Variants in PTPRC observed in about 807,000 individuals in gnomAD.
PTPRC encodes the protein protein tyrosine phosphatase receptor type C.
A neutral mutation model predicts 155.9 loss-of-function variants in PTPRC; 44 were observed. The ratio of observed to expected loss-of-function variants is 0.28; its 90% CI spans 0.22 to 0.36. The LOEUF (loss-of-function observed/expected upper bound fraction) is 0.36. Among genes scored for constraint, PTPRC ranks in the 10% least tolerant of loss-of-function variants. PTPRC has a pLI of 1.00. For missense variants in PTPRC, 1,401 were observed against 1,564.6 expected, an observed-to-expected ratio of 0.90 and a Z score of 1.76; for synonymous variants, 525 against 533.1, an observed-to-expected ratio of 0.98 and a Z score of 0.21.
chr1:198,734,045 A>G, intron 20 of PTPRC, 151 bp from the exon 21 acceptor site: 1 of 720,090 alleles, frequency 1.4e-6, no homozygotes, highest in Non-Finnish European at 2.4e-6. Context: ...CCACCAATTA[A>G]TAAGATTCCC....
intron 2 of PTPRC, among the ~76,000 whole-genome samples, chr1:198,690,431 A>T (rs1487296552): frequency 6.6e-6 from 1 of 152,094 alleles, no homozygotes; most frequent in Non-Finnish European, 1.5e-5. Flanking sequence ...AGATAAGAAA[A>T]GGGACAAAAG....
rs181300410 is a variant in PTPRC at position 198,643,779 on chromosome 1, C to T, written c.73+4438C>T. Among the ~76,000 whole-genome samples, 59 of 151,958 alleles carry T rather than the reference C, an allele frequency of 3.9e-4. 1 individual carries two copies. The highest frequency in any genetic ancestry group is 1.3e-3 in the African/African-American group (54 of 41,450). ...GAATGGGAGGGAAATACAAATGTAG[C>T]GGAGTGATAACACAAACAGATCAGG... On this transcript the variant is annotated intron_variant, in intron 2 of 32. Coordinates refer to ENST00000442510, the MANE Select transcript of PTPRC (RefSeq NM_002838.5).
intron 2 of PTPRC, among the ~76,000 whole-genome samples, chr1:198,647,308 A>C (rs1306089528): frequency 1.3e-5 from 2 of 151,864 alleles, no homozygotes; most frequent in Non-Finnish European, 2.9e-5. Context: ...CATGTAGGCT[A>C]TCACTGGGTC....
At chr1:198,661,805 A>G (rs1663984147) in intron 2 of PTPRC, among the ~76,000 whole-genome samples, 1 of 152,158 alleles carries the variant, frequency 6.6e-6, no homozygotes, top group South Asian at 2.1e-4. Flanking sequence ...GAATGTATTT[A>G]TTGTATTTTC....
chr1:198,751,952 G>A (rs1208443054), intron 29 of PTPRC, among the ~76,000 whole-genome samples: 2 of 151,656 alleles, frequency 1.3e-5, no homozygotes, highest in African/African-American at 4.8e-5. Flanking sequence ...TGGAAAAGAG[G>A]AGCAAACCTC....
intron 10 of PTPRC, among the ~76,000 whole-genome samples, chr1:198,709,027 A>G (rs2102417459): frequency 6.6e-6 from 1 of 152,338 alleles, no homozygotes; most frequent in South Asian, 2.1e-4. Context: ...GCAAGCAGAC[A>G]AGGAAAGGAA....
chr1:198,739,203 T>C (rs1654784162), intron 23 of PTPRC, among the ~76,000 whole-genome samples: 1 of 151,356 alleles, frequency 6.6e-6, no homozygotes, highest in Admixed American at 6.6e-5. Flanking sequence ...CATAACAAAA[T>C]GGCAGGAGTA....
chr1:198,718,408 T>A, intron 14 of PTPRC, 106 bp downstream of exon 14: 1 of 972,042 alleles, frequency 1.0e-6, no homozygotes, highest in Non-Finnish European at 1.6e-6. Flanking sequence ...ATTGAGAAGC[T>A]CTGATGTGTA....
chr1:198,713,211 A>G (rs1263485935), intron 12 of PTPRC, 139 bp downstream of exon 12: 13 of 1,235,522 alleles, frequency 1.1e-5, no homozygotes, highest in Non-Finnish European at 1.4e-5. Flanking sequence ...TGATCTTAGA[A>G]TTGCTTCCAC....
At chr1:198,653,885 G>C (rs770345988) in intron 2 of PTPRC, among the ~76,000 whole-genome samples, 2 of 151,792 alleles carry the variant, frequency 1.3e-5, no homozygotes, top group Non-Finnish European at 2.9e-5. Context: ...TTTTGTCCAT[G>C]AATTTTATCA....
chr1:198,714,733 A>G (rs1653487686), intron 12 of PTPRC, among the ~76,000 whole-genome samples: 1 of 152,224 alleles, frequency 6.6e-6, no homozygotes, highest in Admixed American at 6.5e-5. Context: ...TGATAGGATT[A>G]TAGTATCGTT....
At chr1:198,642,924 C>CTTTCT (rs1662697216) in intron 2 of PTPRC, among the ~76,000 whole-genome samples, 1 of 146,478 alleles carries the variant, frequency 6.8e-6, no homozygotes, top group South Asian at 2.2e-4. Flanking sequence ...TTCTTTCTTT[C>CTTTCT]TTTCTTTCTT....
chr1:198,666,114 T>C (rs1664289972), intron 2 of PTPRC, among the ~76,000 whole-genome samples: 1 of 151,942 alleles, frequency 6.6e-6, no homozygotes, highest in Admixed American at 6.6e-5. Context: ...GTGCCTGTGG[T>C]CCCAGCTACT....
At chr1:198,711,089 G>T (rs1275085851) in intron 11 of PTPRC, among the ~76,000 whole-genome samples, 2 of 152,112 alleles carry the variant, frequency 1.3e-5, no homozygotes, top group Admixed American at 1.3e-4. Flanking sequence ...CTCCCAAAGT[G>T]CTGGAATTAC....
At chr1:198,697,048 A>G in intron 4 of PTPRC, 139 bp downstream of exon 4, 2 of 831,054 alleles carry the variant, frequency 2.4e-6, no homozygotes, top group Non-Finnish European at 4.1e-6. Flanking sequence ...AATTGCAGGA[A>G]ATTAGTATCT....
intron 2 of PTPRC, among the ~76,000 whole-genome samples, chr1:198,677,240 C>CA (rs1312239799): frequency 6.6e-6 from 1 of 152,134 alleles, no homozygotes; most frequent in Non-Finnish European, 1.5e-5. Flanking sequence ...CTGCATTCCA[C>CA]AAATGGGATT....
chr1:198,658,885 A>G (rs1663762120), intron 2 of PTPRC, among the ~76,000 whole-genome samples: 1 of 152,150 alleles, frequency 6.6e-6, no homozygotes, highest in African/African-American at 2.4e-5. Flanking sequence ...TTTAGAAGAA[A>G]GAGTGCTTTC....
chr1:198,720,384 G>T (rs1653830575), intron 14 of PTPRC, among the ~76,000 whole-genome samples: 1 of 152,154 alleles, frequency 6.6e-6, no homozygotes, highest in African/African-American at 2.4e-5. Flanking sequence ...AGGCTGGAGT[G>T]AAGTGGCGTG....
At chr1:198,743,209 C>G (rs1157504659) in intron 25 of PTPRC, among the ~76,000 whole-genome samples, 1 of 150,894 alleles carries the variant, frequency 6.6e-6, no homozygotes, top group African/African-American at 2.4e-5. Flanking sequence ...TGGTAGAAAG[C>G]AATGATCTAG....
Sources: allele counts gnomAD v4.1 joint callset (sites outside exome capture counted in the v4.1 genomes callset), GRCh38; gene constraint gnomAD v4.1.1; transcripts MANE v1.5; gene names NCBI Gene and HGNC (gene_info 2026-07-23, HGNC 2026-07-21).